The following KCNJ6 variants were observed in gnomAD, a reference collection of about 807,000 sequenced individuals.
KCNJ6 encodes G protein-activated inward rectifier potassium channel 2.
Under a neutral mutation model 34.2 loss-of-function variants are expected in KCNJ6, and 9 were observed. The ratio of observed to expected loss-of-function variants is 0.26; its 90% CI spans 0.16 to 0.46. KCNJ6 has a LOEUF of 0.46. Ranked by LOEUF, KCNJ6 falls within the 20% of genes least tolerant of loss-of-function variation. The pLI is 1.00. For synonymous variants in KCNJ6, 196 were observed against 207.1 expected, an observed-to-expected ratio of 0.95 and a Z score of 0.46; for missense variants, 236 against 531.3, an observed-to-expected ratio of 0.44 and a Z score of 5.46.
intron 2 of KCNJ6, among the ~76,000 whole-genome samples, chr21:37,717,929 C>T (rs1374854582): frequency 6.6e-6 from 1 of 152,244 alleles, no homozygotes; most frequent in Non-Finnish European, 1.5e-5. Context: ...GACTAAACTG[C>T]AAACCCCCAG....
intron 3 of KCNJ6, among the ~76,000 whole-genome samples, chr21:37,659,137 C>A (rs1021904749): frequency 9.8e-5 from 15 of 152,324 alleles, no homozygotes; most frequent in African/African-American, 3.6e-4. Context: ...TCTCAGGGCC[C>A]CTGGTGGAGT....
intron 2 of KCNJ6, among the ~76,000 whole-genome samples, chr21:37,825,780 G>A (rs2123558490): frequency 6.6e-6 from 1 of 152,284 alleles, no homozygotes; most frequent in Non-Finnish European, 1.5e-5. Context: ...GAAGGTGAGG[G>A]AAGAACAAAG....
At chr21:37,881,386 T>G (rs1422222314) in intron 1 of KCNJ6, among the ~76,000 whole-genome samples, 1 of 152,068 alleles carries the variant, frequency 6.6e-6, no homozygotes, top group Non-Finnish European at 1.5e-5. Flanking sequence ...TTGGCAGGGG[T>G]CAGTTCCTGG....
chr21:37,828,105 G>A (rs2055407608), intron 2 of KCNJ6, among the ~76,000 whole-genome samples: 1 of 152,206 alleles, frequency 6.6e-6, no homozygotes, highest in Admixed American at 6.5e-5. Flanking sequence ...TTGTGGAGAA[G>A]CCTTTATGAA....
rs116368267 is a variant in KCNJ6, at chr21:37,815,911, C to T, written c.25+24747G>A. ...CTGCGCATGACACGGCAGGCAGTGA[C>T]GCGACTGCAACAAGCGCTAAGAGTG... On this transcript the variant is annotated intron_variant, in intron 2 of 3. Coordinates refer to ENST00000609713, the MANE Select transcript of KCNJ6 (RefSeq NM_002240.5). Among the ~76,000 whole-genome samples, 1,226 of 152,292 alleles carry T rather than the reference C, an allele frequency of 8.1e-3. 11 individuals are homozygous for T. Among genetic ancestry groups the T allele is most frequent in the African/African-American group, 0.023 (961 of 41,550 alleles).
chr21:37,912,508 G>C (rs566776356), intron 1 of KCNJ6, among the ~76,000 whole-genome samples: 2 of 152,118 alleles, frequency 1.3e-5, no homozygotes, highest in Admixed American at 6.5e-5. Context: ...CTATATTCTC[G>C]TATAGCTTCA....
chr21:37,812,045 G>A (rs920571089), intron 2 of KCNJ6, among the ~76,000 whole-genome samples: 1 of 152,300 alleles, frequency 6.6e-6, no homozygotes, highest in South Asian at 2.1e-4. Flanking sequence ...TCTCAGACAT[G>A]GAATAGCTAA....
chr21:37,867,825 C>T (rs1437327744), intron 1 of KCNJ6, among the ~76,000 whole-genome samples: 1 of 152,230 alleles, frequency 6.6e-6, no homozygotes, highest in Non-Finnish European at 1.5e-5. Flanking sequence ...GCAGAAGGAT[C>T]ATCCAAGGTC....
At chr21:37,841,423 A>G (rs1020381601) in intron 1 of KCNJ6, among the ~76,000 whole-genome samples, 4 of 152,168 alleles carry the variant, frequency 2.6e-5, no homozygotes, top group African/African-American at 9.7e-5. Flanking sequence ...TGTTCCTAAC[A>G]TATGTAGTAA....
At chr21:37,830,290 A>C (rs2123564881) in intron 2 of KCNJ6, among the ~76,000 whole-genome samples, 2 of 152,258 alleles carry the variant, frequency 1.3e-5, no homozygotes, top group East Asian at 3.9e-4. Flanking sequence ...CGTAGCCTGG[A>C]GACCACAGGC....
In KCNJ6 at chr21:37,854,067, G is replaced by A. The variant is rs184574494; in HGVS notation, c.-27-13358C>T. Among the ~76,000 whole-genome samples the A allele has an allele frequency of 6.9e-3, 1,035 of 149,704 alleles. 17 individuals carry two copies. Among genetic ancestry groups the A allele is most frequent in the Non-Finnish European group, 6.9e-3 (462 of 67,386 alleles). On this transcript the variant is annotated intron_variant, in intron 1 of 3. Coordinates refer to ENST00000609713, the MANE Select transcript of KCNJ6 (RefSeq NM_002240.5). ...CAAATAGAAAACAAAAAATTAAATGGCCAACCTAAGCCTTAACATGCTAAT... is the reference window on the plus strand; with the variant it reads ...CAAATAGAAAACAAAAAATTAAATGACCAACCTAAGCCTTAACATGCTAAT...
At chr21:37,807,172 A>AC (rs2055297595) in intron 2 of KCNJ6, among the ~76,000 whole-genome samples, 1 of 152,186 alleles carries the variant, frequency 6.6e-6, no homozygotes, top group South Asian at 2.1e-4. Flanking sequence ...ACCTACACTT[A>AC]CCCCATATGT....
intron 1 of KCNJ6, 92 bp from the exon 2 acceptor site, chr21:37,840,801 C>A (rs1022408910): frequency 5.1e-5 from 34 of 668,590 alleles, no homozygotes; most frequent in Non-Finnish European, 7.9e-5. Flanking sequence ...TCTCTTCCTT[C>A]TTTTTCCTAG....
At chr21:37,692,372 G>A (rs971108825) in intron 3 of KCNJ6, among the ~76,000 whole-genome samples, 27 of 152,032 alleles carry the variant, frequency 1.8e-4, no homozygotes, top group Admixed American at 1.6e-3. Context: ...CATTAGGGGT[G>A]TGAATGGTAC....
intron 2 of KCNJ6, among the ~76,000 whole-genome samples, chr21:37,796,668 G>A (rs972267163): frequency 2.5e-4 from 38 of 151,702 alleles, no homozygotes; most frequent in Non-Finnish European, 4.4e-4. Flanking sequence ...CTTCCCAGAT[G>A]TAGCCCTGTT....
At chr21:37,858,029 A>C (rs1327214977) in intron 1 of KCNJ6, among the ~76,000 whole-genome samples, 1 of 152,194 alleles carries the variant, frequency 6.6e-6, no homozygotes, top group Non-Finnish European at 1.5e-5. Flanking sequence ...ATGATTCAAC[A>C]TATATAGAGT....
intron 3 of KCNJ6, among the ~76,000 whole-genome samples, chr21:37,693,806 C>A (rs1264548673): frequency 6.6e-6 from 1 of 152,202 alleles, no homozygotes; most frequent in Non-Finnish European, 1.5e-5. Context: ...CTGGCTTCCT[C>A]ATGCCCTCCC....
chr21:37,878,612 A>C (rs35916702), intron 1 of KCNJ6, among the ~76,000 whole-genome samples: 43,616 of 152,182 alleles, frequency 0.29, 7,809 homozygotes, highest in African/African-American at 0.52. Flanking sequence ...CCTTACCAGC[A>C]CCAGAAAGTA....
chr21:37,745,456 C>T (rs115535069), intron 2 of KCNJ6, among the ~76,000 whole-genome samples: 297 of 151,984 alleles, frequency 2.0e-3, no homozygotes, highest in African/African-American at 6.9e-3. Flanking sequence ...GGGAAGGGGA[C>T]CATGAGCCAA....
Sources: gnomAD v4.1 joint callset for allele counts (sites outside exome capture counted in the v4.1 genomes callset) on GRCh38, gnomAD v4.1.1 for gene constraint, MANE v1.5 for transcripts, NCBI Gene and HGNC (gene_info 2026-07-23, HGNC 2026-07-21) for gene names.